The following PCGF3 variants were observed in gnomAD, a reference collection of about 807,000 sequenced individuals.
PCGF3 encodes polycomb group RING finger protein 3.
In PCGF3, 7 loss-of-function variants were observed where a neutral mutation model predicts 33.1. The observed-to-expected ratio is 0.21, with a 90% CI of 0.12 to 0.40. PCGF3 has a LOEUF of 0.40. Ranked by LOEUF, PCGF3 falls within the 10% of genes least tolerant of loss-of-function variation. PCGF3 has a pLI of 1.00. For synonymous variants in PCGF3, 153 were observed against 121.3 expected, an observed-to-expected ratio of 1.26 and a Z score of -1.72; for missense variants, 211 against 313.3, an observed-to-expected ratio of 0.67 and a Z score of 2.46.
intron 8 of PCGF3, among the ~76,000 whole-genome samples, chr4:751,196 G>A (rs1025340044): frequency 8.5e-5 from 13 of 152,086 alleles, no homozygotes; most frequent in Admixed American, 5.2e-4. Context: ...GGGATTATCC[G>A]CGTCTATAAC....
chr4:724,908 G>A (rs977837889), intron 1 of PCGF3, among the ~76,000 whole-genome samples: 5 of 152,096 alleles, frequency 3.3e-5, no homozygotes, highest in African/African-American at 1.2e-4. Flanking sequence ...GTTGCAGTGA[G>A]CTGAGATCAC....
chr4:717,012 T>G (rs13111983), intron 1 of PCGF3, among the ~76,000 whole-genome samples: 24,292 of 84,464 alleles, frequency 0.29, 5,533 homozygotes, highest in African/African-American at 0.5. Context: ...ACTGGGCGTC[T>G]GTGCTGGGAC....
At chr4:715,017 C>CTG (rs56188607) in intron 1 of PCGF3, among the ~76,000 whole-genome samples, 9,833 of 98,488 alleles carry the variant, frequency 0.1, 3 homozygotes, top group Middle Eastern at 0.15. Context: ...CCTGTAGACA[C>CTG]TGAGTGTGAG....
chr4:733,770 G>A, exon 4 of PCGF3: 1 of 1,613,600 alleles, frequency 6.2e-7, no homozygotes, highest in Non-Finnish European at 8.5e-7. Flanking sequence ...CCACCACGGT[G>A]ACCGAGTGTC....
chr4:753,643 CAAA>C (rs777114866), intron 8 of PCGF3, among the ~76,000 whole-genome samples: 5 of 110,062 alleles, frequency 4.5e-5, no homozygotes, highest in Admixed American at 9.8e-5. Context: ...AGTCCGGTCT[CAAA>C]AAAAAAAAAA....
chr4:768,225 G>C (rs1048976478), exon 11 of PCGF3: 3 of 152,656 alleles, frequency 2.0e-5, no homozygotes, highest in African/African-American at 4.8e-5. Context: ...CTCAGCAGCA[G>C]AAGTCCCTAT....
chr4:706,236 T>C (rs1187957138), intron 1 of PCGF3, among the ~76,000 whole-genome samples: 17 of 91,336 alleles, frequency 1.9e-4, no homozygotes, highest in East Asian at 1.5e-3. Flanking sequence ...GGGCTGGGAC[T>C]CCAGCCTAGG....
chr4:752,969 T>A (rs1348527926), intron 8 of PCGF3, among the ~76,000 whole-genome samples: 3 of 152,258 alleles, frequency 2.0e-5, no homozygotes, highest in Admixed American at 6.5e-5. Context: ...TTCAGTAGGC[T>A]TTGTCCTCTG....
intron 9 of PCGF3, chr4:762,970 C>G (rs1385712795): frequency 6.6e-6 from 1 of 152,230 alleles, no homozygotes; most frequent in Non-Finnish European, 1.5e-5. Flanking sequence ...TCGGGACAGG[C>G]TGGCGTAGCT....
At chr4:722,864 A>G (rs1405012824) in intron 1 of PCGF3, among the ~76,000 whole-genome samples, 1 of 49,588 alleles carries the variant, frequency 2.0e-5, no homozygotes, top group Admixed American at 2.5e-4. Context: ...ATCGCCATCC[A>G]CGCCGGGTCC....
rs1256422681 is a variant in PCGF3, at chr4:737,528, GTC to G, written c.262+9_262+10del. On this transcript the variant is annotated splice_region_variant and intron_variant, in intron 6 of 10. Transcript: ENST00000362003. ...GTACCAGGCCTCCAAGAAGGTGAGTGTCTGACTGTCTTGCTGATCCCTGAGGT... is the reference window on the plus strand; with the variant it reads ...GTACCAGGCCTCCAAGAAGGTGAGTGTGACTGTCTTGCTGATCCCTGAGGT... 1 of 1,566,290 alleles carries G rather than the reference GTC, an allele frequency of 6.4e-7. No individual in the cohort carries two copies. The highest frequency in any genetic ancestry group is 1.7e-5 in the Admixed American group (1 of 59,932).
intron 8 of PCGF3, 68 bp from the exon 9 acceptor site, chr4:761,211 T>C (rs1745037347): frequency 1.5e-6 from 2 of 1,374,578 alleles, no homozygotes; most frequent in Middle Eastern, 3.8e-4. Context: ...GAAATATGTC[T>C]AAGGAAGCCT....
intron 1 of PCGF3, among the ~76,000 whole-genome samples, chr4:722,053 C>T (rs558338550): frequency 6.6e-5 from 10 of 152,074 alleles, no homozygotes; most frequent in South Asian, 2.1e-4. Flanking sequence ...CGGAGCACAT[C>T]GCGTAGTGCA....
At chr4:753,045 C>A (rs1744596763) in intron 8 of PCGF3, among the ~76,000 whole-genome samples, 1 of 152,372 alleles carries the variant, frequency 6.6e-6, no homozygotes, top group African/African-American at 2.4e-5. Context: ...CAGATCCCGG[C>A]CCTCACTGGA....
At chr4:752,015 C>T (rs11734362) in intron 8 of PCGF3, among the ~76,000 whole-genome samples, 4 of 152,250 alleles carry the variant, frequency 2.6e-5, no homozygotes, top group South Asian at 2.1e-4. Context: ...AAAAGCGTGT[C>T]GGGTTTATTT....
intron 1 of PCGF3, among the ~76,000 whole-genome samples, chr4:707,907 C>A (rs1270472050): frequency 3.0e-5 from 3 of 101,592 alleles, no homozygotes; most frequent in Non-Finnish European, 4.3e-5. Context: ...CCCTGTTTTC[C>A]CCTGGGGGTC....
chr4:744,030 C>T (rs1744207197), intron 7 of PCGF3: 1 of 165,154 alleles, frequency 6.1e-6, no homozygotes, highest in African/African-American at 2.4e-5. Context: ...ACCACACCAA[C>T]TCTTAGGAAA....
intron 4 of PCGF3, 69 bp downstream of exon 4, chr4:733,858 G>T: frequency 6.2e-7 from 1 of 1,612,064 alleles, no homozygotes; most frequent in Non-Finnish European, 8.5e-7. Flanking sequence ...CAGAACCTTG[G>T]CTTTTGTGTT....
intron 8 of PCGF3, among the ~76,000 whole-genome samples, chr4:755,505 G>A (rs182255621): frequency 2.3e-4 from 35 of 152,230 alleles, no homozygotes; most frequent in African/African-American, 5.8e-4. Context: ...TGCGGCTGTC[G>A]GCTTTCTTCG....
Sources: gnomAD v4.1 joint callset for allele counts (sites outside exome capture counted in the v4.1 genomes callset) on GRCh38, gnomAD v4.1.1 for gene constraint, MANE v1.5 for transcripts, NCBI Gene and HGNC (gene_info 2026-07-23, HGNC 2026-07-21) for gene names.